The following TMEM184B variants were observed in gnomAD, a reference collection of about 807,000 sequenced individuals.
TMEM184B encodes putative MAPK-activating protein FM08.
TMEM184B carries 17 observed loss-of-function variants against 41.8 expected under a neutral mutation model. The observed-to-expected ratio is 0.41, with a 90% CI of 0.28 to 0.61. The LOEUF (loss-of-function observed/expected upper bound fraction) is 0.61. Among genes scored for constraint, TMEM184B ranks in the 20% least tolerant of loss-of-function variants. The pLI, the probability that TMEM184B is intolerant of heterozygous loss-of-function variation, is 0.34. For missense variants in TMEM184B, 393 were observed against 557.8 expected, an observed-to-expected ratio of 0.70 and a Z score of 2.98; for synonymous variants, 240 against 229.5, an observed-to-expected ratio of 1.05 and a Z score of -0.41.
rs148707198 is a variant in TMEM184B, at chr22:38,239,238, T to G, written c.358+6697A>C. On this transcript the variant is annotated intron_variant, in intron 3 of 8. Transcript: ENST00000361906. This position sits in a 1 kb window ranked among gnomAD's most constrained non-coding sequence, Gnocchi z 4.6. The stretch of plus-strand genomic sequence containing the variant: ...CACTATGAATTCCAGCCCTCGCAGA[T>G]GGTACGTGGCACTAAGCCCTCTTCC... Among the ~76,000 whole-genome samples, 1 of 152,170 alleles carries G rather than the reference T, an allele frequency of 6.6e-6. No homozygotes were observed. Among genetic ancestry groups the G allele is most frequent in the African/African-American group, 2.4e-5 (1 of 41,428 alleles).
downstream of TMEM184B, among the ~76,000 whole-genome samples, chr22:38,217,651 A>C (rs1000308052): frequency 3.0e-4 from 46 of 151,600 alleles, no homozygotes; most frequent in African/African-American, 1.1e-3. Context: ...CAAAAAAAAA[A>C]AGAAAAACAA....
chr22:38,222,608 C>A, intron 8 of TMEM184B: 4 of 985,400 alleles, frequency 4.1e-6, no homozygotes, highest in Non-Finnish European at 4.8e-6. Flanking sequence ...AACTGACATG[C>A]AGGACAGACA....
chr22:38,241,113 G>A (rs1602420288), intron 3 of TMEM184B, among the ~76,000 whole-genome samples: 1 of 152,288 alleles, frequency 6.6e-6, no homozygotes, highest in East Asian at 1.9e-4. Context: ...GAAAGAGCCA[G>A]GGCAACAGCT....
chr22:38,258,663 T>G (rs552595935), intron 1 of TMEM184B, among the ~76,000 whole-genome samples: 1 of 152,080 alleles, frequency 6.6e-6, no homozygotes, highest in Non-Finnish European at 1.5e-5. Context: ...GAAGGGTGGG[T>G]GCAACACCCC....
At chr22:38,270,864 A>T (rs2092511741) in intron 1 of TMEM184B, among the ~76,000 whole-genome samples, 1 of 152,248 alleles carries the variant, frequency 6.6e-6, no homozygotes, top group African/African-American at 2.4e-5. Context: ...GGGACTGGGC[A>T]GGCCAGCCAG....
Position 38,246,103 on chromosome 22 carries a change from G to A in TMEM184B, c.193-3C>T, listed in dbSNP as rs1325127339. 3.6e-5 allele frequency: 58 copies of A among 1,607,918 alleles called. No homozygotes were observed. Among genetic ancestry groups the A allele is most frequent in the Non-Finnish European group, 4.8e-5 (57 of 1,179,662 alleles). ...TAGCAGCGCAGGTGCATGTAGATCT[G>A]GGGGCAGAGGTGTGGGGTCAGCTGG... On this transcript the variant is annotated splice_polypyrimidine_tract_variant and splice_region_variant and intron_variant, in intron 2 of 8. Coordinates refer to ENST00000361906, the MANE Select transcript of TMEM184B (RefSeq NM_012264.5).
At chr22:38,272,550 G>A (rs888731585) in intron 1 of TMEM184B, 4 of 985,758 alleles carry the variant, frequency 4.1e-6, no homozygotes, top group South Asian at 4.7e-5. Flanking sequence ...AATCCCTCTT[G>A]CAAAGCGCCT....
chr22:38,229,619 C>T (rs2091554472), intron 5 of TMEM184B, among the ~76,000 whole-genome samples: 1 of 149,076 alleles, frequency 6.7e-6, no homozygotes, highest in South Asian at 2.1e-4. Flanking sequence ...AGCTGGATTG[C>T]CAAGGCTACT....
Position 38,230,739 on chromosome 22 carries a change from C to T in TMEM184B, c.455G>A (p.Ser152Asn), listed in dbSNP as rs1394316189. 6.2e-7 allele frequency: 1 copy of T among 1,611,544 alleles called. No homozygotes were observed. Among genetic ancestry groups the T allele is most frequent in the African/African-American group, 1.3e-5 (1 of 74,888 alleles). Residue 152 changes from serine to asparagine, a missense_variant, in exon 5 of 9, where the codon AGC becomes AAC. By Grantham distance (46) the Ser-to-Asn change is conservative. Transcript: ENST00000361906. ...GAGGCAGCAGGTGCCATACATACAG[C>T]TGGACCTGGAAGAGACAAGCATAGC... is the stretch of plus-strand genomic sequence containing the variant. Reference protein sequence around the residue: ...SEIRGKPIESSCMYGTCCLWG... With the variant: ...SEIRGKPIESNCMYGTCCLWG...
In TMEM184B at chr22:38,247,794, C is replaced by T. The variant is rs35589210; in HGVS notation, c.168G>A (p.Thr56=). 6.6e-3 allele frequency: 10,587 copies of T among 1,613,842 alleles called. 298 individuals carry two copies. Among genetic ancestry groups the T allele is most frequent in the South Asian group, 0.053 (4,825 of 91,020 alleles). Residue 56 remains threonine, a synonymous_variant, in exon 2 of 9, where the codon ACG becomes ACA. Coordinates refer to ENST00000361906, the MANE Select transcript of TMEM184B (RefSeq NM_012264.5). The stretch of plus-strand genomic sequence containing the variant: ...CCTGGTGGCATGTGATGAGCAGGGC[C>T]GTCCACACGAAGAAGCCAGAGATGG... ...AQAISGFFVW[T]ALLITCHQIY...
intron 3 of TMEM184B, among the ~76,000 whole-genome samples, chr22:38,236,484 TTTTG>T (rs2091776224): frequency 3.9e-5 from 6 of 151,988 alleles, no homozygotes; most frequent in Admixed American, 2.0e-4. Flanking sequence ...CATTTCCTTT[TTTTG>T]TTTTTTTTTT....
chr22:38,254,074 G>A (rs894288910), intron 1 of TMEM184B, among the ~76,000 whole-genome samples: 2 of 151,822 alleles, frequency 1.3e-5, no homozygotes, highest in Non-Finnish European at 2.9e-5. Context: ...GGTGGCTGGC[G>A]CCTGTAATCC....
downstream of TMEM184B, among the ~76,000 whole-genome samples, chr22:38,217,067 C>G (rs992508208): frequency 6.6e-6 from 1 of 152,110 alleles, no homozygotes; most frequent in Non-Finnish European, 1.5e-5. Flanking sequence ...TGGCTCACAC[C>G]TGTAATCCCA....
chr22:38,232,472 G>A (rs2091659971), intron 3 of TMEM184B, among the ~76,000 whole-genome samples: 1 of 152,164 alleles, frequency 6.6e-6, no homozygotes, highest in African/African-American at 2.4e-5. Context: ...GTGTGGAGAA[G>A]GCGGGGGAAG....
chr22:38,263,859 C>T (rs116946145), intron 1 of TMEM184B, among the ~76,000 whole-genome samples: 3 of 152,304 alleles, frequency 2.0e-5, no homozygotes, highest in Middle Eastern at 3.4e-3. Flanking sequence ...GGCTGAAGTG[C>T]GGTGATGCAA....
At chr22:38,258,260 T>C (rs2092315624) in intron 1 of TMEM184B, among the ~76,000 whole-genome samples, 2 of 152,086 alleles carry the variant, frequency 1.3e-5, no homozygotes, top group South Asian at 4.1e-4. Flanking sequence ...TAGCTAAGGC[T>C]TTTGGACTAA....
intron 1 of TMEM184B, among the ~76,000 whole-genome samples, chr22:38,249,066 G>A (rs1010494109): frequency 7.9e-5 from 12 of 152,086 alleles, no homozygotes; most frequent in African/African-American, 1.9e-4. Flanking sequence ...TCGAACACGC[G>A]GGTCTGTCAC....
At chr22:38,228,708 T>C (rs1193925909) in intron 5 of TMEM184B, among the ~76,000 whole-genome samples, 1 of 152,014 alleles carries the variant, frequency 6.6e-6, no homozygotes, top group East Asian at 1.9e-4. Flanking sequence ...AGCTGTGGGG[T>C]GTGCTCTCTC....
At position 38,239,353 on chromosome 22, in the gene TMEM184B, C is replaced by T. The variant is rs75787797; in HGVS notation, c.358+6582G>A. ...CTTATCTCCACTATCCCCCTCCTCG[C>T]CCTCCTAACGCCACTGAAATGAGAA... On this transcript the variant is annotated intron_variant, in intron 3 of 8. Transcript: ENST00000361906. This position sits in a 1 kb window ranked among gnomAD's most constrained non-coding sequence, Gnocchi z 4.6. The T allele has an allele frequency of 0.13, 19,862 of 152,326 alleles. 1,419 individuals carry two copies. The highest frequency in any genetic ancestry group is 0.22 in the South Asian group (1,053 of 4,826). 9.4% of individuals were successfully genotyped at this position (152,326 alleles called of 1,614,324 possible). A position where few individuals can be genotyped will look rare whatever the true frequency, so the allele number is the denominator to read the frequency against.
Sources: gnomAD v4.1 joint callset for allele counts (sites outside exome capture counted in the v4.1 genomes callset) on GRCh38, gnomAD v4.1.1 for gene constraint, Gnocchi (gnomAD v3.1) non-coding constraint, MANE v1.5 for transcripts, NCBI Gene and HGNC (gene_info 2026-07-23, HGNC 2026-07-21) for gene names.